Variants in RINT1 observed in about 807,000 individuals in gnomAD.
RINT1 encodes RAD50 interactor 1.
RINT1 carries 75 observed loss-of-function variants against 97.7 expected under a neutral mutation model. The ratio of observed to expected loss-of-function variants is 0.77; its 90% CI spans 0.64 to 0.93. The LOEUF is 0.93. RINT1 is among the 40% of genes least tolerant of loss of function. The probability of loss-of-function intolerance (pLI) is 0.00; values close to 1 mark genes in which losing one functional copy is unlikely to be tolerated. For missense variants in RINT1, 892 were observed against 925.2 expected (o/e 0.96, Z 0.47); for synonymous variants, 303 against 326.3 (o/e 0.93, Z 0.77).
rs1791119086 is a variant in RINT1 at position 105,555,094 on chromosome 7, T to C, written c.1538T>C (p.Val513Ala). ...LQFLELQKDL[V>A]DDFRIRLTQV... ...TTCCTGGAGTTACAGAAGGACTTAGTAGATGATTTTAGGATACGATTAACA... is the reference window on the plus strand; with the variant it reads ...TTCCTGGAGTTACAGAAGGACTTAGCAGATGATTTTAGGATACGATTAACA... Residue 513 changes from valine (V) to alanine (A), a missense_variant, in exon 11 of 15, where the codon GTA becomes GCA. Physicochemically the swap from Val to Ala is moderately conservative, Grantham distance 64. Coordinates refer to ENST00000257700, the MANE Select transcript of RINT1 (RefSeq NM_021930.6). 1.2e-6 allele frequency: 2 copies of C among 1,613,890 alleles called. No individual in the cohort carries two copies. Among genetic ancestry groups the C allele is most frequent in the African/African-American group, 1.3e-5 (1 of 74,918 alleles).
At chr7:105,542,677 T>C (rs1332532432) in intron 4 of RINT1, 28 bp downstream of exon 4, 1 of 1,606,348 alleles carries the variant, frequency 6.2e-7, no homozygotes, top group Non-Finnish European at 8.5e-7. Context: ...GTTCTCACAA[T>C]TACTATTTTC....
chr7:105,564,114 GTCCTAC>G lies in RINT1; in HGVS notation c.1886+170_1886+175del, dbSNP rs1182861529. Among the ~76,000 whole-genome samples the G allele has an allele frequency of 2.6e-5, 4 of 152,176 alleles. No individual in the cohort carries two copies. The East Asian group carries it at 7.7e-4, about 29-fold the overall frequency. ...TCTCTTGGACATTTTTTTTGAGACA[GTCCTAC>G]TCTGTCACCCAGGCTGGAGTGCAGT... On this transcript the variant is annotated intron_variant, in intron 12 of 14. Coordinates refer to ENST00000257700, the MANE Select transcript of RINT1 (RefSeq NM_021930.6).
chr7:105,557,890 G>T (rs1230204324), intron 11 of RINT1, among the ~76,000 whole-genome samples: 2 of 152,120 alleles, frequency 1.3e-5, no homozygotes, highest in African/African-American at 4.8e-5. Context: ...TTAGTAATTA[G>T]TTAAAGTTTT....
At chr7:105,561,534 T>TA (rs972937455) in intron 11 of RINT1, among the ~76,000 whole-genome samples, 10 of 151,798 alleles carry the variant, frequency 6.6e-5, no homozygotes, top group South Asian at 4.2e-4. Flanking sequence ...TCTCAAAAAA[T>TA]AAAAAAAACA....
chr7:105,563,995 TAAA>T, intron 12 of RINT1, 48 bp downstream of exon 12: 1 of 1,372,604 alleles, frequency 7.3e-7, no homozygotes, highest in South Asian at 1.2e-5. Context: ...TGGTAAAAGT[TAAA>T]GAATATGTGG....
intron 11 of RINT1, 126 bp from the exon 12 acceptor site, chr7:105,563,607 C>G (rs1791540863): frequency 2.7e-6 from 2 of 748,472 alleles, no homozygotes; most frequent in Non-Finnish European, 4.3e-6. Flanking sequence ...GCTGGGATTA[C>G]AGGCATGAGC....
chr7:105,536,171 T>G (rs540546603), intron 2 of RINT1, among the ~76,000 whole-genome samples: 50 of 152,166 alleles, frequency 3.3e-4, no homozygotes, highest in Non-Finnish European at 3.5e-4. Flanking sequence ...TTTGGTTTTG[T>G]TTTTTGATAC....
chr7:105,553,667 C>T (rs867203370), intron 10 of RINT1, among the ~76,000 whole-genome samples: 1 of 150,190 alleles, frequency 6.7e-6, no homozygotes, highest in South Asian at 2.1e-4. Context: ...CCTGCCTCGG[C>T]CTCCCAAAGT....
At chr7:105,560,222 C>T (rs78380940) in intron 11 of RINT1, among the ~76,000 whole-genome samples, 11,223 of 152,100 alleles carry the variant, frequency 0.074, 1,290 homozygotes, top group African/African-American at 0.24. Context: ...GCAGAAATAC[C>T]AAGGTGCCTC....
Position 105,555,198 on chromosome 7 carries a change from A to G in RINT1, c.1642A>G (p.Thr548Ala). ...AILNAVNYISTVLADWADNVF... is the reference protein window; with the variant it reads ...AILNAVNYISAVLADWADNVF... ...TCTTAATGCTGTGAACTACATCTCA[A>G]CAGTACTAGCAGATTGGGCTGACAA... The change falls in exon 11 of 15, where the codon ACA (threonine) becomes GCA (alanine). Residue 548 changes from threonine (T) to alanine (A), a missense_variant. Transcript: ENST00000257700. 1 of 1,614,038 alleles carries G rather than the reference A, an allele frequency of 6.2e-7. No individual in the cohort carries two copies. The highest frequency in any genetic ancestry group is 8.5e-7 in the Non-Finnish European group (1 of 1,179,992).
chr7:105,550,449 A>T lies in RINT1; in HGVS notation c.1296A>T (p.Glu432Asp). The change falls in exon 9 of 15, where the codon GAA becomes GAT. Residue 432 changes from glutamate to aspartate, a missense_variant. Glu to Asp is a conservative substitution (Grantham distance 45, BLOSUM62 2). Coordinates refer to ENST00000257700, the MANE Select transcript of RINT1 (RefSeq NM_021930.6). ...GTTGTATGCATATTCTATCAGAGGA[A>T]ACCTGTTTTCAGAGATGGTTGACGG... ...FASCMHILSE[E>D]TCFQRWLTVE... 6.2e-7 allele frequency: 1 copy of T among 1,614,104 alleles called. No individual in the cohort carries two copies. Among genetic ancestry groups the T allele is most frequent in the South Asian group, 1.1e-5 (1 of 91,078 alleles).
intron 4 of RINT1, among the ~76,000 whole-genome samples, chr7:105,544,088 G>A (rs1463387194): frequency 2.0e-5 from 3 of 150,896 alleles, no homozygotes; most frequent in Admixed American, 1.3e-4. Context: ...CAGCAAGAGC[G>A]AAACTCCGTC....
chr7:105,566,953 G>A (rs1310440944), intron 14 of RINT1, 166 bp from the exon 15 acceptor site: 5 of 423,302 alleles, frequency 1.2e-5, no homozygotes, highest in Non-Finnish European at 1.6e-5. Flanking sequence ...CTCTGCACCT[G>A]TGTAGTCTTA....
intron 10 of RINT1, 28 bp downstream of exon 10, chr7:105,551,735 T>G: frequency 6.4e-7 from 1 of 1,568,040 alleles, no homozygotes; most frequent in Non-Finnish European, 8.7e-7. Flanking sequence ...GATATGACTT[T>G]GTTTTAAAAG....
intron 2 of RINT1, among the ~76,000 whole-genome samples, chr7:105,534,186 C>T (rs897269861): frequency 2.0e-5 from 3 of 152,078 alleles, no homozygotes; most frequent in African/African-American, 7.2e-5. Flanking sequence ...TCCCCTGCCT[C>T]GGCCTCCTCA....
rs556508346 is a variant in RINT1 at position 105,544,801 on chromosome 7, T to C, written c.516-2109T>C. 2.6e-5 allele frequency among the ~76,000 whole-genome samples: 4 copies of C among 152,312 alleles called. No individual in the cohort carries two copies. The South Asian group carries it at 8.3e-4, about 32-fold the overall frequency. On this transcript the variant is annotated intron_variant, in intron 4 of 14. Transcript: ENST00000257700. ...TATGCCGAGGGATTTATATTAGAAA[T>C]AGGGATCAAATTCATAAGCAGGTAG...
intron 3 of RINT1, among the ~76,000 whole-genome samples, chr7:105,538,585 C>A (rs1218778122): frequency 6.6e-6 from 1 of 152,214 alleles, no homozygotes; most frequent in Non-Finnish European, 1.5e-5. Context: ...TTCAGCCCCA[C>A]CAGCAGTCCT....
At position 105,536,740 on chromosome 7, in the gene RINT1, A is replaced by G; in HGVS notation, c.264A>G (p.Leu88=). ...AGAGGACAGTAAGTAAAATGCAGTT[A>G]GAAGAACAGGTAAGTATTGAAACTC... ...IEQRTVSKMQ[L]EEQVLTISSE... Residue 88 remains leucine (L), a synonymous_variant, in exon 3 of 15, where the codon TTA becomes TTG. Coordinates refer to ENST00000257700, the MANE Select transcript of RINT1 (RefSeq NM_021930.6). 6.3e-7 allele frequency: 1 copy of G among 1,591,750 alleles called. No individual in the cohort carries two copies.
chr7:105,532,214 C>A lies in RINT1; in HGVS notation c.-102C>A. 7.4e-7 allele frequency: 1 copy of A among 1,343,000 alleles called. No homozygotes were observed. Among genetic ancestry groups the A allele is most frequent in the Admixed American group, 2.1e-5 (1 of 47,930 alleles). 83.2% of individuals were successfully genotyped at this position (1,343,000 alleles called of 1,614,324 possible). On this transcript the variant is annotated 5_prime_UTR_variant, in exon 1 of 15. Coordinates refer to ENST00000257700, the MANE Select transcript of RINT1 (RefSeq NM_021930.6). ...GAGGAAGTCGCTGTGGCACTCAGTC[C>A]TACGGCCTCCGAGGCTGGGTAGTGA... is the stretch of plus-strand genomic sequence containing the variant.
Sources: allele counts gnomAD v4.1 joint callset (sites outside exome capture counted in the v4.1 genomes callset), GRCh38; gene constraint gnomAD v4.1.1; transcripts MANE v1.5; gene names NCBI Gene and HGNC (gene_info 2026-07-23, HGNC 2026-07-21).